Variants in TLL1 observed in about 807,000 individuals in gnomAD.
TLL1 encodes the protein tolloid like 1.
Under a neutral mutation model 128.2 loss-of-function variants are expected in TLL1, and 49 were observed. That is an observed-to-expected ratio of 0.38 (90% CI 0.30 to 0.48). The LOEUF is 0.48. TLL1 is among the 20% of genes least tolerant of loss of function. The pLI, the probability that TLL1 is intolerant of heterozygous loss-of-function variation, is 0.96. For missense variants in TLL1, 1,123 were observed against 1,242.0 expected (o/e 0.90, Z 1.44); for synonymous variants, 454 against 418.8 (o/e 1.08, Z -1.03).
intron 1 of TLL1, among the ~76,000 whole-genome samples, chr4:165,932,869 A>G (rs1275784389): frequency 6.6e-6 from 1 of 152,168 alleles, no homozygotes; most frequent in East Asian, 1.9e-4. Context: ...GAATTGTTCA[A>G]TGTATGGAAA....
At chr4:166,006,959 AGTTG>A (rs1446497502) in intron 6 of TLL1, among the ~76,000 whole-genome samples, 1 of 151,702 alleles carries the variant, frequency 6.6e-6, no homozygotes, top group African/African-American at 2.4e-5. Context: ...GAAATATGAC[AGTTG>A]GAATTAAAAA....
chr4:166,031,983 T>G (rs998901445), intron 9 of TLL1, among the ~76,000 whole-genome samples: 2 of 152,080 alleles, frequency 1.3e-5, no homozygotes, highest in Admixed American at 1.3e-4. Flanking sequence ...TACAAAGAAA[T>G]TGAAGTTGAG....
rs368725913 is a variant in TLL1 at position 165,995,012 on chromosome 4, T to C, written c.515-49T>C. ...AGGGTAGAGGATGCAGCAAGAAGCATTCTTCCTGGGGATGCCACCTTTTCA... is the reference window on the plus strand; with the variant it reads ...AGGGTAGAGGATGCAGCAAGAAGCACTCTTCCTGGGGATGCCACCTTTTCA... On this transcript the variant is annotated intron_variant, in intron 4 of 20. Transcript: ENST00000061240. 16 of 1,497,072 alleles carry C rather than the reference T, an allele frequency of 1.1e-5. No individual in the cohort carries two copies. In the African/African-American group the frequency reaches 1.9e-4, roughly 18 times the overall value. 92.7% of individuals were successfully genotyped at this position (1,497,072 alleles called of 1,614,324 possible). A position where few individuals can be genotyped will look rare whatever the true frequency, so the allele number is the denominator to read the frequency against.
intron 16 of TLL1, among the ~76,000 whole-genome samples, chr4:166,071,936 A>G (rs548787867): frequency 8.5e-4 from 129 of 152,130 alleles, no homozygotes; most frequent in African/African-American, 3.0e-3. Flanking sequence ...ACAAATTAAA[A>G]TATTTTTCAA....
At chr4:165,909,082 G>A (rs1289135303) in intron 1 of TLL1, among the ~76,000 whole-genome samples, 2 of 152,216 alleles carry the variant, frequency 1.3e-5, no homozygotes, top group African/African-American at 4.8e-5. Flanking sequence ...ATCTACTCGG[G>A]AGGCTGAGGC....
intron 5 of TLL1, among the ~76,000 whole-genome samples, chr4:166,001,102 C>T (rs927714123): frequency 1.3e-5 from 2 of 151,884 alleles, no homozygotes; most frequent in Non-Finnish European, 2.9e-5. Context: ...TGTCCTTATC[C>T]CAGAAATTGA....
At chr4:166,041,096 GA>G (rs1162465152) in intron 10 of TLL1, among the ~76,000 whole-genome samples, 1 of 152,172 alleles carries the variant, frequency 6.6e-6, no homozygotes, top group Non-Finnish European at 1.5e-5. Context: ...GAAGAAATTA[GA>G]AATTATGCTC....
intron 1 of TLL1, among the ~76,000 whole-genome samples, chr4:165,874,553 C>T (rs1359982567): frequency 6.6e-6 from 1 of 152,182 alleles, no homozygotes. Context: ...CCTGGAGACA[C>T]CTTGGCTCCC....
intron 1 of TLL1, among the ~76,000 whole-genome samples, chr4:165,973,686 A>G (rs976574165): frequency 6.7e-6 from 1 of 148,842 alleles, no homozygotes; most frequent in East Asian, 2.0e-4. Flanking sequence ...CTTTTTTGAG[A>G]TGGAGTCTTG....
intron 1 of TLL1, among the ~76,000 whole-genome samples, chr4:165,894,012 G>C (rs758835510): frequency 6.6e-6 from 1 of 152,022 alleles, no homozygotes; most frequent in South Asian, 2.1e-4. Context: ...AAAAAATCCT[G>C]GAAACAATGG....
intron 9 of TLL1, among the ~76,000 whole-genome samples, chr4:166,031,686 A>C (rs1316925736): frequency 7.9e-5 from 12 of 151,944 alleles, no homozygotes; most frequent in Admixed American, 5.3e-4. Context: ...TTTTGATTCC[A>C]ATAATATGAG....
chr4:166,101,058 C>A lies in TLL1; in HGVS notation c.*182C>A. ...TCCAGCAAAACCCTCATCAGCATTA[C>A]AAGGATATTTGAACTCCATGCTTGA... On this transcript the variant is annotated 3_prime_UTR_variant, in exon 21 of 21. Transcript: ENST00000061240. The A allele has an allele frequency of 2.8e-6, 2 of 702,150 alleles. No homozygotes were observed. The highest frequency in any genetic ancestry group is 4.6e-6 in the Non-Finnish European group (2 of 434,776). 43.5% of individuals were successfully genotyped at this position (702,150 alleles called of 1,614,324 possible).
chr4:166,080,591 C>T (rs1004426884), intron 18 of TLL1, among the ~76,000 whole-genome samples: 6 of 151,866 alleles, frequency 4.0e-5, no homozygotes, highest in African/African-American at 1.2e-4. Context: ...CTTTTTGTGT[C>T]TCTTTTTTTA....
At chr4:165,928,458 T>C (rs1050872363) in intron 1 of TLL1, among the ~76,000 whole-genome samples, 2 of 152,120 alleles carry the variant, frequency 1.3e-5, no homozygotes, top group African/African-American at 4.8e-5. Flanking sequence ...TTGAATTGGC[T>C]ATTGAAGGAG....
Position 165,873,893 on chromosome 4 carries a change from C to T in TLL1, c.-12C>T. On this transcript the variant is annotated 5_prime_UTR_variant, in exon 1 of 21. Coordinates refer to ENST00000061240, the MANE Select transcript of TLL1 (RefSeq NM_012464.5). ...TGGGTCCCGTCCCCTCCTTTTCCTC[C>T]GGGGGAGGAGGATGGGGTTGGGAAC... The T allele has an allele frequency of 6.2e-7, 1 of 1,613,534 alleles. No homozygotes were observed. The highest frequency in any genetic ancestry group is 2.2e-5 in the East Asian group (1 of 44,848).
In TLL1 at chr4:166,099,482, T is replaced by C. The variant is rs1397491034; in HGVS notation, c.2862T>C (p.Gly954=). 1 of 1,613,436 alleles carries C rather than the reference T, an allele frequency of 6.2e-7. No homozygotes were observed. Among genetic ancestry groups the C allele is most frequent in the Non-Finnish European group, 8.5e-7 (1 of 1,179,612 alleles). Reference sequence around the variant, plus strand: ...ATGACTATGTGGAGCTCTTTGATGGTCTTGATTCAACAGCTGTGGGGCTTG... The same window carrying C: ...ATGACTATGTGGAGCTCTTTGATGGCCTTGATTCAACAGCTGTGGGGCTTG... ...CGYDYVELFD[G]LDSTAVGLGR... The change falls in exon 20 of 21, where the codon GGT becomes GGC. Residue 954 remains glycine (G), a synonymous_variant. Coordinates refer to ENST00000061240, the MANE Select transcript of TLL1 (RefSeq NM_012464.5).
At chr4:166,008,186 T>G in intron 7 of TLL1, 138 bp downstream of exon 7, 1 of 604,268 alleles carries the variant, frequency 1.7e-6, no homozygotes, top group Non-Finnish European at 3.0e-6. Flanking sequence ...AAATAATTCA[T>G]GAACATTTAT....
chr4:166,047,208 A>T (rs1337525583), intron 12 of TLL1, among the ~76,000 whole-genome samples: 1 of 151,356 alleles, frequency 6.6e-6, no homozygotes, highest in Non-Finnish European at 1.5e-5. Context: ...TGTTTCGCCC[A>T]GACTGCAAGG....
chr4:165,992,114 G>A (rs897165248), intron 2 of TLL1, among the ~76,000 whole-genome samples: 1 of 151,768 alleles, frequency 6.6e-6, no homozygotes, highest in Non-Finnish European at 1.5e-5. Context: ...TATTCCTACC[G>A]TTTCCTATTC....
Sources: gnomAD v4.1 joint callset for allele counts (sites outside exome capture counted in the v4.1 genomes callset) on GRCh38, gnomAD v4.1.1 for gene constraint, MANE v1.5 for transcripts, NCBI Gene and HGNC (gene_info 2026-07-23, HGNC 2026-07-21) for gene names.